The following ARHGAP23 variants were observed in gnomAD, a reference collection of about 807,000 sequenced individuals.
The protein encoded by ARHGAP23 is Rho GTPase activating protein 23.
In ARHGAP23, 34 loss-of-function variants were observed where a neutral mutation model predicts 136.3. That is an observed-to-expected ratio of 0.25 (90% confidence interval 0.19 to 0.33). The LOEUF (loss-of-function observed/expected upper bound fraction) is 0.33, where lower values mean the gene tolerates loss of function less well. ARHGAP23 is among the 10% of genes least tolerant of loss of function. The pLI is 1.00. For synonymous variants in ARHGAP23, 832 were observed against 920.5 expected (o/e 0.90, Z 1.74); for missense variants, 1,808 against 2,139.0 (o/e 0.85, Z 3.05).
At chr17:38,426,863 G>C (rs2038578230), upstream of ARHGAP23, among the ~76,000 whole-genome samples, 1 of 152,178 alleles carries the variant, frequency 6.6e-6, no homozygotes, top group Non-Finnish European at 1.5e-5. Flanking sequence ...TCTAAGACCT[G>C]AGTTCCCAAC....
chr17:38,447,462 A>G (rs571841903), intron 1 of ARHGAP23, among the ~76,000 whole-genome samples: 1 of 151,026 alleles, frequency 6.6e-6, no homozygotes, highest in East Asian at 1.9e-4. Context: ...AAAAAAAAAA[A>G]AAAGAAATAA....
At chr17:38,443,442 C>T (rs950089081) in intron 1 of ARHGAP23, among the ~76,000 whole-genome samples, 22 of 152,096 alleles carry the variant, frequency 1.4e-4, no homozygotes, top group Admixed American at 6.6e-5. Context: ...CAGGGGGAGG[C>T]GGGAGGAGGA....
chr17:38,428,922 C>T (rs1399537048), intron 1 of ARHGAP23, among the ~76,000 whole-genome samples: 2 of 152,040 alleles, frequency 1.3e-5, no homozygotes, highest in African/African-American at 2.4e-5. Context: ...TTTCCTCTGC[C>T]CGAGTTTTCG....
rs1247510057 is a variant in ARHGAP23, at chr17:38,477,179, C to T, written c.2119-400C>T. 2.6e-5 allele frequency among the ~76,000 whole-genome samples: 4 copies of T among 151,874 alleles called. No individual in the cohort carries two copies. The highest frequency in any genetic ancestry group is 6.6e-5 in the Admixed American group (1 of 15,260). On this transcript the variant is annotated intron_variant, in intron 11 of 23. Transcript: ENST00000622683. The surrounding 1 kb of genome is among the most constrained non-coding windows in gnomAD (Gnocchi z 6.6). ...GAGAACAACCCTCTAAGAGTGCGGA[C>T]GGCTTCTGAGCAGGTTTGCTGGGAT...
At chr17:38,440,776 C>T (rs889550955) in intron 1 of ARHGAP23, among the ~76,000 whole-genome samples, 2 of 152,028 alleles carry the variant, frequency 1.3e-5, no homozygotes, top group African/African-American at 2.4e-5. Context: ...TGTGTCCCAC[C>T]GGGATCACTG....
intron 17 of ARHGAP23, among the ~76,000 whole-genome samples, chr17:38,486,741 A>G (rs139182067): frequency 2.6e-4 from 40 of 152,262 alleles, no homozygotes; most frequent in Non-Finnish European, 4.4e-4. Flanking sequence ...TCTTCCCTCT[A>G]CAGATTAGGA....
chr17:38,451,168 G>C (rs1468608342), intron 1 of ARHGAP23: 1 of 152,232 alleles, frequency 6.6e-6, no homozygotes, highest in Non-Finnish European at 1.5e-5. Context: ...AGGCCTGGAG[G>C]ATCATTTATT....
chr17:38,469,442 C>T, intron 8 of ARHGAP23, 82 bp from the exon 9 acceptor site: 2 of 1,470,206 alleles, frequency 1.4e-6, no homozygotes, highest in East Asian at 2.5e-5. Flanking sequence ...CACCTCCTGC[C>T]CCTGCCCAGA....
rs931396308 is a variant in ARHGAP23, at chr17:38,510,942, G to A, written c.4446G>A (p.Ser1482=). Residue 1482 remains serine (S), a synonymous_variant, in exon 24 of 24, where the codon TCG becomes TCA. Coordinates refer to ENST00000622683, the MANE Select transcript of ARHGAP23 (RefSeq NM_001199417.2). This position sits in a 1 kb window ranked among gnomAD's most constrained non-coding sequence, Gnocchi z 4.6. The part of the protein sequence containing the change: ...GSLQSQPPRR[S]AASRLHQCL ...TGCAGAGCCAGCCCCCGCGCCGCTCGGCCGCCTCCCGCCTGCATCAGTGTC... is the reference window on the plus strand; with the variant it reads ...TGCAGAGCCAGCCCCCGCGCCGCTCAGCCGCCTCCCGCCTGCATCAGTGTC... 1 of 1,463,792 alleles carries A rather than the reference G, an allele frequency of 6.8e-7. No homozygotes were observed. 90.7% of individuals were successfully genotyped at this position (1,463,792 alleles called of 1,614,324 possible). A position where few individuals can be genotyped will look rare whatever the true frequency, so the allele number is the denominator to read the frequency against.
At chr17:38,447,184 G>A (rs2039052119) in intron 1 of ARHGAP23, among the ~76,000 whole-genome samples, 1 of 152,030 alleles carries the variant, frequency 6.6e-6, no homozygotes, top group Non-Finnish European at 1.5e-5. Context: ...GCTCATGCCT[G>A]TAATCCCAGC....
At position 38,462,954 on chromosome 17, in the gene ARHGAP23, A is replaced by G. The variant is rs1374054162; in HGVS notation, c.349+13A>G. 3.2e-6 allele frequency: 5 copies of G among 1,544,554 alleles called. No homozygotes were observed. In the South Asian group the frequency reaches 3.6e-5, roughly 11 times the overall value. ...GGGCTTCGCACAGGTGAGCTGGCCC[A>G]GTTACCTGGGCTCTACTTTCTACCT... On this transcript the variant is annotated intron_variant, in intron 4 of 23. Coordinates refer to ENST00000622683, the MANE Select transcript of ARHGAP23 (RefSeq NM_001199417.2).
chr17:38,446,323 C>T (rs1031465175), intron 1 of ARHGAP23, among the ~76,000 whole-genome samples: 1 of 151,764 alleles, frequency 6.6e-6, no homozygotes, highest in Admixed American at 6.6e-5. Context: ...CCCCGCCTGG[C>T]CTTCACTTAT....
At chr17:38,458,924 T>C (rs1358944731) in intron 2 of ARHGAP23, among the ~76,000 whole-genome samples, 2 of 152,214 alleles carry the variant, frequency 1.3e-5, no homozygotes, top group East Asian at 1.9e-4. Flanking sequence ...GAGTCCCTCC[T>C]GCCCTAATGT....
chr17:38,484,195 G>A (rs977764762), intron 16 of ARHGAP23, among the ~76,000 whole-genome samples: 5 of 152,128 alleles, frequency 3.3e-5, no homozygotes, highest in African/African-American at 1.2e-4. Flanking sequence ...CTCAGGGGAA[G>A]GGGGAGGATG....
intron 1 of ARHGAP23, among the ~76,000 whole-genome samples, chr17:38,441,584 G>A (rs959009012): frequency 3.9e-5 from 6 of 152,230 alleles, no homozygotes; most frequent in Admixed American, 1.3e-4. Flanking sequence ...GTGATGAGGC[G>A]TATAATGAGG....
rs141421608 is a variant in ARHGAP23, at chr17:38,503,079, C to T, written c.3447+2451C>T. 7.5e-3 allele frequency among the ~76,000 whole-genome samples: 1,148 copies of T among 152,174 alleles called. 14 individuals carry two copies. Among genetic ancestry groups the T allele is most frequent in the African/African-American group, 0.026 (1,076 of 41,498 alleles). On this transcript the variant is annotated intron_variant, in intron 23 of 23. Transcript: ENST00000622683. ...AAACAAACAAACAAACAAAAAAAGACGAAAGCACATATTTACTTGCCAATG... is the reference window on the plus strand; with the variant it reads ...AAACAAACAAACAAACAAAAAAAGATGAAAGCACATATTTACTTGCCAATG...
At chr17:38,476,040 T>A (rs2039885471) in intron 11 of ARHGAP23, among the ~76,000 whole-genome samples, 1 of 152,200 alleles carries the variant, frequency 6.6e-6, no homozygotes, top group East Asian at 1.9e-4. Context: ...AAGGGCCCCC[T>A]GGCTTGACAT....
At chr17:38,501,932 T>C (rs2040530711) in intron 23 of ARHGAP23, among the ~76,000 whole-genome samples, 1 of 151,334 alleles carries the variant, frequency 6.6e-6, no homozygotes, top group Non-Finnish European at 1.5e-5. Context: ...TTTAAATAGT[T>C]ATTTAAATAT....
chr17:38,431,858 G>A (rs1315285398), intron 1 of ARHGAP23, among the ~76,000 whole-genome samples: 4 of 152,196 alleles, frequency 2.6e-5, no homozygotes, highest in African/African-American at 9.6e-5. Context: ...CTTTCCCTCT[G>A]TGGTTGGTTC....
Sources: gnomAD v4.1 joint callset for allele counts (sites outside exome capture counted in the v4.1 genomes callset) on GRCh38, gnomAD v4.1.1 for gene constraint, Gnocchi (gnomAD v3.1) non-coding constraint, MANE v1.5 for transcripts, NCBI Gene and HGNC (gene_info 2026-07-23, HGNC 2026-07-21) for gene names.